CLDN10: variants seen among roughly 807,000 people sequenced by gnomAD.
The protein encoded by CLDN10 is claudin-10.
CLDN10 carries 15 observed loss-of-function variants against 22.9 expected under a neutral mutation model. The observed-to-expected ratio is 0.65, with a 90% CI of 0.44 to 1.01. CLDN10 has a LOEUF of 1.01. Ranked by LOEUF, CLDN10 falls within the 50% of genes least tolerant of loss-of-function variation. CLDN10 has a pLI of 0.00. For missense variants in CLDN10, 247 were observed against 287.8 expected (o/e 0.86, Z 1.03); for synonymous variants, 114 against 111.4 (o/e 1.02, Z -0.15).
At chr13:95,472,183 C>T (rs1475472319) in intron 1 of CLDN10, among the ~76,000 whole-genome samples, 1 of 152,046 alleles carries the variant, frequency 6.6e-6, no homozygotes, top group Non-Finnish European at 1.5e-5. Context: ...TTGCTGAGCA[C>T]ACTCTAGAAG....
rs1328387180 is a variant in CLDN10 at position 95,552,935 on chromosome 13, C to A, written c.182C>A (p.Ser61Tyr). The change falls in exon 1 of 5, where the codon TCC (serine) becomes TAC (tyrosine). Residue 61 changes from serine to tyrosine, a missense_variant. Ser to Tyr is a moderately radical substitution (Grantham distance 144, BLOSUM62 -2). Transcript: ENST00000299339. The part of the protein sequence containing the change: ...KACVTDSTGV[S>Y]NCKDFPSMLA... The stretch of plus-strand genomic sequence containing the variant: ...TGCGTTACCGACTCCACGGGCGTCT[C>A]CAACTGCAAGGACTTCCCCTCCATG... 1 of 1,614,030 alleles carries A rather than the reference C, an allele frequency of 6.2e-7. No individual in the cohort carries two copies. Among genetic ancestry groups the A allele is most frequent in the Non-Finnish European group, 8.5e-7 (1 of 1,180,014 alleles).
At chr13:95,517,384 G>A (rs992759771) in intron 1 of CLDN10, among the ~76,000 whole-genome samples, 14 of 152,168 alleles carry the variant, frequency 9.2e-5, no homozygotes, top group Non-Finnish European at 1.8e-4. Flanking sequence ...TAGGGATCCG[G>A]TGGTGGGAGA....
intron 1 of CLDN10, among the ~76,000 whole-genome samples, chr13:95,537,311 C>A (rs2043410862): frequency 1.3e-5 from 2 of 152,034 alleles, no homozygotes; most frequent in Non-Finnish European, 2.9e-5. Context: ...TGTTTTGTTG[C>A]CAGAGCTGGA....
upstream of CLDN10, among the ~76,000 whole-genome samples, chr13:95,548,085 A>G (rs373632575): frequency 1.1e-4 from 16 of 152,352 alleles, no homozygotes; most frequent in African/African-American, 2.9e-4. Flanking sequence ...CAGAGACATA[A>G]AATCACTTGC....
At chr13:95,451,758 T>C (rs1051021920) in intron 1 of CLDN10, among the ~76,000 whole-genome samples, 2 of 152,224 alleles carry the variant, frequency 1.3e-5, no homozygotes, top group Middle Eastern at 3.2e-3. Context: ...CCAGGCTGTA[T>C]TCATGTATGT....
chr13:95,442,252 T>C (rs890002622), intron 1 of CLDN10, among the ~76,000 whole-genome samples: 4 of 152,196 alleles, frequency 2.6e-5, no homozygotes, highest in Non-Finnish European at 5.9e-5. Flanking sequence ...GAATACCTCT[T>C]TCAGTGCCTT....
At chr13:95,575,463 A>T (rs1252458514) in intron 3 of CLDN10, among the ~76,000 whole-genome samples, 1 of 152,228 alleles carries the variant, frequency 6.6e-6, no homozygotes, top group African/African-American at 2.4e-5. Context: ...GGCTGATTGC[A>T]GAAATCCGGG....
At chr13:95,549,001 G>A (rs1208772669), upstream of CLDN10, among the ~76,000 whole-genome samples, 1 of 152,180 alleles carries the variant, frequency 6.6e-6, no homozygotes, top group Non-Finnish European at 1.5e-5. Flanking sequence ...CCCAGGGTGG[G>A]GGGGATCCTC....
At chr13:95,441,301 G>A (rs1472463964) in intron 1 of CLDN10, among the ~76,000 whole-genome samples, 4 of 152,144 alleles carry the variant, frequency 2.6e-5, no homozygotes, top group Admixed American at 2.6e-4. Context: ...TGTCTCCCAG[G>A]CTGGGGTGCA....
At chr13:95,434,114 G>A (rs2042239940) in intron 1 of CLDN10, 2 of 1,356,838 alleles carry the variant, frequency 1.5e-6, no homozygotes, top group Non-Finnish European at 2.1e-6. Flanking sequence ...TGCTGAAGTA[G>A]CTGTCTATGG....
intron 1 of CLDN10, among the ~76,000 whole-genome samples, chr13:95,535,310 G>C (rs1021175534): frequency 6.6e-6 from 1 of 152,118 alleles, no homozygotes; most frequent in African/African-American, 2.4e-5. Flanking sequence ...GGTGAGCCCT[G>C]GGGCAGGAAG....
At chr13:95,542,577 C>T (rs1292705794) in intron 1 of CLDN10, among the ~76,000 whole-genome samples, 3 of 152,104 alleles carry the variant, frequency 2.0e-5, no homozygotes, top group Admixed American at 6.5e-5. Flanking sequence ...GATGCCAAAG[C>T]GGGTGAATCA....
intron 1 of CLDN10, among the ~76,000 whole-genome samples, chr13:95,507,602 C>A (rs891747508): frequency 6.6e-6 from 1 of 151,118 alleles, no homozygotes; most frequent in African/African-American, 2.4e-5. Context: ...CCCTGGGCAA[C>A]ATAGTGACAC....
intron 1 of CLDN10, among the ~76,000 whole-genome samples, chr13:95,532,155 T>C (rs1320107583): frequency 6.6e-6 from 1 of 151,954 alleles, no homozygotes; most frequent in African/African-American, 2.4e-5. Flanking sequence ...GAGAAAAAAA[T>C]TTATATACAT....
chr13:95,515,867 A>C (rs989151217), intron 1 of CLDN10, among the ~76,000 whole-genome samples: 3 of 152,140 alleles, frequency 2.0e-5, no homozygotes, highest in African/African-American at 7.2e-5. Context: ...TGAGGTCAGC[A>C]GTTTGAGACC....
At chr13:95,572,177 A>C (rs1188820548) in intron 3 of CLDN10, among the ~76,000 whole-genome samples, 1 of 152,210 alleles carries the variant, frequency 6.6e-6, no homozygotes, top group Non-Finnish European at 1.5e-5. Context: ...TCAGAAAAAA[A>C]TCCTGTGCCC....
At chr13:95,461,399 C>G (rs760052358) in intron 1 of CLDN10, among the ~76,000 whole-genome samples, 1 of 152,144 alleles carries the variant, frequency 6.6e-6, no homozygotes, top group African/African-American at 2.4e-5. Context: ...CTTCTTGAGG[C>G]CTTTATTTAT....
chr13:95,486,676 G>A (rs1235067311), intron 1 of CLDN10, among the ~76,000 whole-genome samples: 1 of 152,108 alleles, frequency 6.6e-6, no homozygotes, highest in African/African-American at 2.4e-5. Context: ...TGCCTCACAG[G>A]CATCTCAAAC....
chr13:95,536,753 C>T (rs757045869), intron 1 of CLDN10, among the ~76,000 whole-genome samples: 2 of 151,882 alleles, frequency 1.3e-5, no homozygotes, highest in African/African-American at 2.4e-5. Flanking sequence ...TCCTTTCCCA[C>T]GGTCCTTACA....
Sources: gnomAD v4.1 joint callset for allele counts (sites outside exome capture counted in the v4.1 genomes callset) on GRCh38, gnomAD v4.1.1 for gene constraint, MANE v1.5 for transcripts, NCBI Gene and HGNC (gene_info 2026-07-23, HGNC 2026-07-21) for gene names.